CAMK2D: variants seen among roughly 807,000 people sequenced by gnomAD.
CAMK2D encodes calcium/calmodulin-dependent protein kinase type II subunit delta.
Under a neutral mutation model 84.0 loss-of-function variants are expected in CAMK2D, and 37 were observed. That is an observed-to-expected ratio of 0.44 (90% CI 0.34 to 0.58). The LOEUF (loss-of-function observed/expected upper bound fraction) is 0.58. Among genes scored for constraint, CAMK2D ranks in the 20% least tolerant of loss-of-function variants. The pLI, the probability that CAMK2D is intolerant of heterozygous loss-of-function variation, is 0.02. For missense variants in CAMK2D, 448 were observed against 652.5 expected (o/e 0.69, Z 3.41); for synonymous variants, 202 against 212.5 (o/e 0.95, Z 0.43).
chr4:113,621,825 T>C (rs2099047544), intron 3 of CAMK2D, among the ~76,000 whole-genome samples: 1 of 152,208 alleles, frequency 6.6e-6, no homozygotes, highest in Non-Finnish European at 1.5e-5. Flanking sequence ...GCATATCCCA[T>C]AAAGCATGTT....
At chr4:113,726,897 C>T (rs894000701) in intron 2 of CAMK2D, among the ~76,000 whole-genome samples, 79 of 152,132 alleles carry the variant, frequency 5.2e-4, no homozygotes, top group African/African-American at 1.7e-3. Flanking sequence ...AAGTTTTAAC[C>T]GCTCCTCTTA....
intron 4 of CAMK2D, among the ~76,000 whole-genome samples, chr4:113,572,960 C>T (rs2098761470): frequency 6.6e-6 from 1 of 152,108 alleles, no homozygotes; most frequent in African/African-American, 2.4e-5. Context: ...CTCAACACCA[C>T]ATATTCTCAC....
At chr4:113,700,674 G>A (rs7687511) in intron 2 of CAMK2D, among the ~76,000 whole-genome samples, 27,512 of 88,006 alleles carry the variant, frequency 0.31, 4,682 homozygotes, top group African/African-American at 0.56. Flanking sequence ...TGACCACACA[G>A]TTCACTTTCC....
intron 3 of CAMK2D, among the ~76,000 whole-genome samples, chr4:113,648,239 A>C (rs917078011): frequency 1.3e-5 from 2 of 152,212 alleles, no homozygotes; most frequent in Non-Finnish European, 2.9e-5. Flanking sequence ...ATCTAGAATA[A>C]AAATTTAGCT....
At chr4:113,516,167 C>G (rs1238911464) in intron 9 of CAMK2D, among the ~76,000 whole-genome samples, 5 of 152,144 alleles carry the variant, frequency 3.3e-5, no homozygotes, top group African/African-American at 1.2e-4. Flanking sequence ...TTGTGACTCA[C>G]TGGCATAATA....
Position 113,733,257 on chromosome 4 carries a change from T to C in CAMK2D, c.160+26063A>G, listed in dbSNP as rs565532407. ...TTCAAAAGAAATCTTTTGAATACTTTCCTATGTTCCTGTAATAACAGTTGC... is the reference window on the plus strand; with the variant it reads ...TTCAAAAGAAATCTTTTGAATACTTCCCTATGTTCCTGTAATAACAGTTGC... On this transcript the variant is annotated intron_variant, in intron 2 of 20. Transcript: ENST00000511664. Among the ~76,000 whole-genome samples the C allele has an allele frequency of 2.6e-5, 4 of 152,366 alleles. No individual in the cohort carries two copies. In the East Asian group the frequency reaches 7.7e-4, roughly 29 times the overall value.
At chr4:113,473,930 A>G (rs74855382) in intron 16 of CAMK2D, among the ~76,000 whole-genome samples, 5,232 of 152,262 alleles carry the variant, frequency 0.034, 276 homozygotes, top group African/African-American at 0.12. Flanking sequence ...CCGGAAATGG[A>G]AATAAAATAT....
chr4:113,535,850 T>G (rs1165349176), intron 7 of CAMK2D, among the ~76,000 whole-genome samples: 3 of 152,220 alleles, frequency 2.0e-5, no homozygotes, highest in Non-Finnish European at 4.4e-5. Context: ...ATTCCTATGT[T>G]AAGATACTTC....
At chr4:113,473,159 T>C (rs1232447528) in intron 16 of CAMK2D, among the ~76,000 whole-genome samples, 1 of 152,228 alleles carries the variant, frequency 6.6e-6, no homozygotes, top group African/African-American at 2.4e-5. Flanking sequence ...ACTTAATTAC[T>C]AGGCTAAGGG....
intron 17 of CAMK2D, among the ~76,000 whole-genome samples, chr4:113,460,608 C>G (rs2097361369): frequency 6.6e-6 from 1 of 151,774 alleles, no homozygotes; most frequent in South Asian, 2.1e-4. Flanking sequence ...GTCCTATTGT[C>G]CAAGTGTAAG....
chr4:113,542,439 G>A (rs6533699), intron 6 of CAMK2D, among the ~76,000 whole-genome samples: 5,490 of 152,126 alleles, frequency 0.036, 345 homozygotes, highest in African/African-American at 0.12. Flanking sequence ...TTACTGGCCG[G>A]GCGCTGTGGC....
At chr4:113,515,237 C>A in intron 9 of CAMK2D, 46 bp from the exon 10 acceptor site, 1 of 1,381,044 alleles carries the variant, frequency 7.2e-7, no homozygotes, top group South Asian at 1.3e-5. Flanking sequence ...TAGACACACT[C>A]GATCAAACAG....
At chr4:113,707,434 G>T (rs1259607034) in intron 2 of CAMK2D, among the ~76,000 whole-genome samples, 1 of 152,162 alleles carries the variant, frequency 6.6e-6, no homozygotes, top group Non-Finnish European at 1.5e-5. Flanking sequence ...GTAACCAGCT[G>T]TTCTCCATCT....
At chr4:113,689,103 G>A (rs6853580) in intron 2 of CAMK2D, among the ~76,000 whole-genome samples, 7,224 of 151,866 alleles carry the variant, frequency 0.048, 261 homozygotes, top group African/African-American at 0.095. Context: ...AAAACTAGCC[G>A]GGCATGGTGG....
At chr4:113,523,206 T>C (rs943685509) in intron 8 of CAMK2D, among the ~76,000 whole-genome samples, 3 of 152,190 alleles carry the variant, frequency 2.0e-5, no homozygotes, top group Non-Finnish European at 4.4e-5. Context: ...GACTTTGTTA[T>C]AGCAGCCTGA....
intron 16 of CAMK2D, among the ~76,000 whole-genome samples, chr4:113,498,239 G>A (rs1311121375): frequency 1.3e-5 from 2 of 152,112 alleles, no homozygotes; most frequent in African/African-American, 4.8e-5. Context: ...CTGATAAATG[G>A]AGAGATTCCC....
chr4:113,577,948 C>T (rs1474226731), intron 4 of CAMK2D, among the ~76,000 whole-genome samples: 1 of 152,088 alleles, frequency 6.6e-6, no homozygotes, highest in Non-Finnish European at 1.5e-5. Flanking sequence ...CTATGAGCCA[C>T]ATATGGAATG....
intron 2 of CAMK2D, among the ~76,000 whole-genome samples, chr4:113,663,590 A>AAATAATAATAATAAT (rs10525797): frequency 0.019 from 2,829 of 145,954 alleles, 84 homozygotes; most frequent in African/African-American, 0.066. Flanking sequence ...CTCTGTCTAA[A>AAATAATAATAATAAT]AATAATAATA....
Position 113,761,608 on chromosome 4 carries a change from C to G in CAMK2D, c.-540G>C, listed in dbSNP as rs757218559. The G allele has an allele frequency of 1.0e-6, 1 of 985,142 alleles. No individual in the cohort carries two copies. Among genetic ancestry groups the G allele is most frequent in the Non-Finnish European group, 1.2e-6 (1 of 829,836 alleles). The allele number at this position is 985,142 out of a possible 1,614,324, so 61.0% of individuals were successfully genotyped here. A position where few individuals can be genotyped will look rare whatever the true frequency, so the allele number is the denominator to read the frequency against. On this transcript the variant is annotated 5_prime_UTR_variant, in exon 1 of 21. Coordinates refer to ENST00000511664, the MANE Select transcript of CAMK2D (RefSeq NM_001321571.2). ...CTCAGGCGCGGGGCGCGCCGGGGCT[C>G]CGACGAGCGTGCGCGCCCGAGGCCG...
Sources: allele counts gnomAD v4.1 joint callset (sites outside exome capture counted in the v4.1 genomes callset), GRCh38; gene constraint gnomAD v4.1.1; transcripts MANE v1.5; gene names NCBI Gene and HGNC (gene_info 2026-07-23, HGNC 2026-07-21).